The following CDH7 variants were observed in gnomAD, a reference collection of about 807,000 sequenced individuals.
The protein encoded by CDH7 is cadherin 7.
In CDH7, 25 loss-of-function variants were observed where a neutral mutation model predicts 71.8. The ratio of observed to expected loss-of-function variants is 0.35; its 90% confidence interval spans 0.25 to 0.49. The LOEUF (loss-of-function observed/expected upper bound fraction) is 0.49, where lower values mean the gene tolerates loss of function less well. Ranked by LOEUF, CDH7 falls within the 20% of genes least tolerant of loss-of-function variation. The pLI, the probability that CDH7 is intolerant of heterozygous loss-of-function variation, is 0.99. For synonymous variants in CDH7, 381 were observed against 363.8 expected (o/e 1.05, Z -0.54); for missense variants, 862 against 974.6 (o/e 0.88, Z 1.54).
chr18:65,783,751 A>G (rs1278982322), intron 2 of CDH7, among the ~76,000 whole-genome samples: 4 of 152,146 alleles, frequency 2.6e-5, no homozygotes, highest in East Asian at 1.9e-4. Flanking sequence ...TCCTGACTAC[A>G]GCTATTTAAG....
At chr18:65,834,042 C>A (rs142417451) in intron 6 of CDH7, among the ~76,000 whole-genome samples, 3 of 152,220 alleles carry the variant, frequency 2.0e-5, no homozygotes, top group Admixed American at 1.3e-4. Flanking sequence ...TCCTTTCCCC[C>A]CTGCCCTCCC....
chr18:65,867,630 C>G (rs1913804926), intron 11 of CDH7, among the ~76,000 whole-genome samples: 1 of 152,056 alleles, frequency 6.6e-6, no homozygotes, highest in Non-Finnish European at 1.5e-5. Flanking sequence ...TCTTTCTGTT[C>G]CTCGGCATAC....
At chr18:65,793,043 T>A (rs1323369067) in intron 2 of CDH7, among the ~76,000 whole-genome samples, 1 of 152,156 alleles carries the variant, frequency 6.6e-6, no homozygotes, top group Non-Finnish European at 1.5e-5. Flanking sequence ...CTGGGAGATT[T>A]AGTAATTATC....
At chr18:65,846,419 A>G (rs138682123) in intron 7 of CDH7, among the ~76,000 whole-genome samples, 2 of 152,322 alleles carry the variant, frequency 1.3e-5, no homozygotes, top group African/African-American at 4.8e-5. Flanking sequence ...AGAAATAGAT[A>G]GACTTTGTCC....
rs1050035658 is a variant in CDH7, at chr18:65,762,671, G to A, written c.-172G>A. 1.7e-5 allele frequency: 10 copies of A among 586,128 alleles called. No individual in the cohort carries two copies. Among genetic ancestry groups the A allele is most frequent in the South Asian group, 4.4e-5 (2 of 45,638 alleles). 36.3% of individuals were successfully genotyped at this position (586,128 alleles called of 1,614,324 possible). ...GGTACTTACTACACCATTCTTTGGC[G>A]AAGGCTATTCAGCAGTGGTGACCTC... On this transcript the variant is annotated 5_prime_UTR_variant, in exon 2 of 12. Transcript: ENST00000397968.
intron 4 of CDH7, among the ~76,000 whole-genome samples, chr18:65,816,076 T>C (rs893126938): frequency 2.0e-5 from 3 of 152,198 alleles, no homozygotes; most frequent in Middle Eastern, 3.2e-3. Context: ...CCATACCGGT[T>C]GATCAACTAG....
chr18:65,846,359 G>A (rs1255907843), intron 7 of CDH7, among the ~76,000 whole-genome samples: 1 of 152,078 alleles, frequency 6.6e-6, no homozygotes, highest in Non-Finnish European at 1.5e-5. Context: ...TAATGACGGT[G>A]ACCTGAAGGT....
At position 65,781,954 on chromosome 18, in the gene CDH7, TTCTCTCTTTCTC is replaced by T. The variant is rs1568182003; in HGVS notation, c.210+18910_210+18921del. ...TCTCTCTCTCTCTCTCTTTCTCTCT[TTCTCTCTTTCTC>T]TCTCTCTCTCTCTCTCTCTCTTTCT... On this transcript the variant is annotated intron_variant, in intron 2 of 11. Transcript: ENST00000397968. Among the ~76,000 whole-genome samples, 14 of 83,922 alleles carry T rather than the reference TTCTCTCTTTCTC, an allele frequency of 1.7e-4. 1 individual carries two copies. Among genetic ancestry groups the T allele is most frequent in the Admixed American group, 5.2e-4 (5 of 9,692 alleles). 55.1% of individuals were successfully genotyped at this position (83,922 alleles called of 152,430 possible). A position where few individuals can be genotyped will look rare whatever the true frequency, so the allele number is the denominator to read the frequency against.
intron 1 of CDH7, among the ~76,000 whole-genome samples, chr18:65,761,380 T>G (rs1301047130): frequency 2.6e-5 from 4 of 151,822 alleles, no homozygotes; most frequent in Non-Finnish European, 5.9e-5. Context: ...GAAATTTGAC[T>G]ATCAAAAATA....
intron 2 of CDH7, among the ~76,000 whole-genome samples, chr18:65,794,313 G>A (rs1910827398): frequency 6.6e-6 from 1 of 152,052 alleles, no homozygotes. Flanking sequence ...TTCCAGAGAA[G>A]AATAGCGATG....
rs765451580 is a variant in CDH7 at position 65,885,007 on chromosome 18, G to T, written c.*4113G>T. ...TAATAGATAAACCAATTTATTTTCT[G>T]TTAGTGTATGTTTATTTTTTAATTA... On this transcript the variant is annotated 3_prime_UTR_variant, in exon 12 of 12. Transcript: ENST00000397968. The T allele has an allele frequency of 6.6e-6, 1 of 152,086 alleles. No homozygotes were observed. Among genetic ancestry groups the T allele is most frequent in the Non-Finnish European group, 1.5e-5 (1 of 68,016 alleles). The allele number at this position is 152,086 out of a possible 1,614,324, so 9.4% of individuals were successfully genotyped here. A position where few individuals can be genotyped will look rare whatever the true frequency, so the allele number is the denominator to read the frequency against.
intron 6 of CDH7, among the ~76,000 whole-genome samples, chr18:65,837,728 A>C (rs942451979): frequency 6.6e-6 from 1 of 152,176 alleles, no homozygotes; most frequent in Non-Finnish European, 1.5e-5. Flanking sequence ...CTTCTTGGTC[A>C]TAACCCAGGG....
chr18:65,807,201 A>G (rs984534693), intron 2 of CDH7, among the ~76,000 whole-genome samples: 2 of 152,160 alleles, frequency 1.3e-5, no homozygotes, highest in African/African-American at 4.8e-5. Flanking sequence ...GAAACTTTTA[A>G]GTTCTGATGC....
At chr18:65,834,521 T>C (rs1912466438) in intron 6 of CDH7, among the ~76,000 whole-genome samples, 2 of 152,108 alleles carry the variant, frequency 1.3e-5, no homozygotes, top group South Asian at 4.1e-4. Context: ...AGGCAAACTG[T>C]TTTATTCTTC....
Position 65,833,803 on chromosome 18 carries a change from A to G in CDH7, c.981+8972A>G, listed in dbSNP as rs571860006. On this transcript the variant is annotated intron_variant, in intron 6 of 11. Coordinates refer to ENST00000397968, the MANE Select transcript of CDH7 (RefSeq NM_004361.5). ...GAAAATGATACTAATTTACATGTCG[A>G]CATGTTTGACCTGATCAAAAGGCAC... Among the ~76,000 whole-genome samples, 6 of 152,306 alleles carry G rather than the reference A, an allele frequency of 3.9e-5. No individual in the cohort carries two copies. In the South Asian group the frequency reaches 1.2e-3, roughly 32 times the overall value.
chr18:65,759,064 A>G (rs1051210756), intron 1 of CDH7, among the ~76,000 whole-genome samples: 4 of 152,190 alleles, frequency 2.6e-5, no homozygotes, highest in African/African-American at 7.2e-5. Context: ...CTTCTTTGAT[A>G]TGTTCTAGCT....
intron 11 of CDH7, among the ~76,000 whole-genome samples, chr18:65,867,483 C>A (rs867229074): frequency 1.1e-4 from 16 of 152,016 alleles, no homozygotes; most frequent in Admixed American, 7.9e-4. Flanking sequence ...AAAAAAAATT[C>A]TATGAATGAC....
At position 65,888,605 on chromosome 18, in the gene CDH7, A is replaced by G. The variant is rs988808206; in HGVS notation, c.*7711A>G. Reference sequence around the variant, plus strand: ...ATCACAATAAAGTTTTTCCACAGATATGTAATTTTAAGTTAGATAACATTC... The same window carrying G: ...ATCACAATAAAGTTTTTCCACAGATGTGTAATTTTAAGTTAGATAACATTC... On this transcript the variant is annotated 3_prime_UTR_variant, in exon 12 of 12. Coordinates refer to ENST00000397968, the MANE Select transcript of CDH7 (RefSeq NM_004361.5). 2 of 152,178 alleles carry G rather than the reference A, an allele frequency of 1.3e-5. No homozygotes were observed. The highest frequency in any genetic ancestry group is 4.8e-5 in the African/African-American group (2 of 41,434). The allele number at this position is 152,178 out of a possible 1,614,324, so 9.4% of individuals were successfully genotyped here.
chr18:65,760,711 G>A (rs1027836145), intron 1 of CDH7, among the ~76,000 whole-genome samples: 4 of 152,226 alleles, frequency 2.6e-5, no homozygotes, highest in Admixed American at 2.6e-4. Context: ...CCAGGAGACT[G>A]GTTTACCACT....
Sources: allele counts gnomAD v4.1 joint callset (sites outside exome capture counted in the v4.1 genomes callset), GRCh38; gene constraint gnomAD v4.1.1; transcripts MANE v1.5; gene names NCBI Gene and HGNC (gene_info 2026-07-23, HGNC 2026-07-21).